The following GPC3 variants were observed in gnomAD, a reference collection of about 807,000 sequenced individuals.
GPC3 encodes the protein glypican-3.
Under a neutral mutation model 34.4 loss-of-function variants are expected in GPC3, and 3 were observed. The ratio of observed to expected loss-of-function variants is 0.09; its 90% CI spans 0.04 to 0.23. The LOEUF (loss-of-function observed/expected upper bound fraction) is 0.23, where lower values mean the gene tolerates loss of function less well. GPC3 is among the 10% of genes least tolerant of loss of function. The pLI is 1.00. For synonymous variants in GPC3, 177 were observed against 174.0 expected, an observed-to-expected ratio of 1.02 and a Z score of -0.13; for missense variants, 351 against 445.6, an observed-to-expected ratio of 0.79 and a Z score of 1.91.
At chrX:133,685,896 A>C (rs1322341406) in intron 5 of GPC3, among the ~76,000 whole-genome samples, 1 of 110,199 alleles carries the variant, frequency 9.1e-6, no homozygotes, top group Admixed American at 9.7e-5. Context: ...CCCAGCTCCA[A>C]TTCATAATGA....
intron 3 of GPC3, among the ~76,000 whole-genome samples, chrX:133,718,494 A>C (rs1356179424): frequency 8.9e-6 from 1 of 111,777 alleles, no homozygotes; most frequent in Non-Finnish European, 1.9e-5. Context: ...AACACAAAAG[A>C]AGGCAATACT....
chrX:133,828,464 G>A lies in GPC3; in HGVS notation c.338-74288C>T, dbSNP rs73567046. Among the ~76,000 whole-genome samples, 209 of 111,943 alleles carry A rather than the reference G, an allele frequency of 1.9e-3. 1 individual carries two copies. Among genetic ancestry groups the A allele is most frequent in the African/African-American group, 5.8e-3 (180 of 30,855 alleles). Reference sequence around the variant, plus strand: ...TGAGCCACTGTGCCTGGCCTGAAACGATCTTTTTAAAATGGACAATGCAGG... The same window carrying A: ...TGAGCCACTGTGCCTGGCCTGAAACAATCTTTTTAAAATGGACAATGCAGG... On this transcript the variant is annotated intron_variant, in intron 2 of 7. Transcript: ENST00000370818.
intron 7 of GPC3, among the ~76,000 whole-genome samples, chrX:133,569,211 T>C (rs984359780): frequency 6.3e-5 from 7 of 111,497 alleles, no homozygotes; most frequent in African/African-American, 2.3e-4. Context: ...GAAGATGAAC[T>C]TGCAGAGGGC....
At chrX:133,619,507 A>G in intron 6 of GPC3, among the ~76,000 whole-genome samples, 1 of 112,198 alleles carries the variant, frequency 8.9e-6, no homozygotes, top group Non-Finnish European at 1.9e-5. Flanking sequence ...CAGCCATAAA[A>G]AGGAATGAGT....
intron 2 of GPC3, among the ~76,000 whole-genome samples, chrX:133,777,742 T>C (rs1323163775): frequency 2.7e-5 from 3 of 111,500 alleles, no homozygotes; most frequent in Non-Finnish European, 3.8e-5. Flanking sequence ...GGCCCTACCA[T>C]AGAACTGTCA....
intron 2 of GPC3, among the ~76,000 whole-genome samples, chrX:133,810,161 G>A (rs1017512712): frequency 3.6e-5 from 4 of 111,924 alleles, no homozygotes; most frequent in South Asian, 3.8e-4. Context: ...GTTCATTATC[G>A]AAGGAGAAAC....
intron 2 of GPC3, among the ~76,000 whole-genome samples, chrX:133,808,748 A>T (rs1035769594): frequency 1.4e-5 from 1 of 71,276 alleles, no homozygotes; most frequent in East Asian, 4.9e-4. Flanking sequence ...ATGAGTATTT[A>T]AAAAAAAAAA....
At chrX:133,702,255 T>C (rs894962765) in intron 3 of GPC3, among the ~76,000 whole-genome samples, 2 of 112,265 alleles carry the variant, frequency 1.8e-5, no homozygotes, top group Non-Finnish European at 3.8e-5. Context: ...TGAAGACATA[T>C]ACATGTTTAC....
chrX:133,612,650 G>A (rs1336129203), intron 6 of GPC3, among the ~76,000 whole-genome samples: 1 of 110,690 alleles, frequency 9.0e-6, no homozygotes, highest in Non-Finnish European at 1.9e-5. Context: ...CCTCCACTCT[G>A]GCAAAATCTG....
intron 2 of GPC3, among the ~76,000 whole-genome samples, chrX:133,803,255 G>A (rs1019425299): frequency 8.9e-6 from 1 of 112,480 alleles, no homozygotes; most frequent in African/African-American, 3.2e-5. Flanking sequence ...AGTAAAATGT[G>A]ACACTAATAG....
intron 2 of GPC3, among the ~76,000 whole-genome samples, chrX:133,758,649 C>T (rs900939098): frequency 2.7e-5 from 3 of 110,524 alleles, no homozygotes; most frequent in African/African-American, 6.6e-5. Flanking sequence ...CCATGGCACA[C>T]GTTTACCTAT....
intron 2 of GPC3, among the ~76,000 whole-genome samples, chrX:133,874,378 T>C (rs938827829): frequency 5.4e-5 from 6 of 111,911 alleles, no homozygotes; most frequent in Non-Finnish European, 1.1e-4. Flanking sequence ...CTTTAAAGAT[T>C]TGTCTATGTC....
intron 2 of GPC3, among the ~76,000 whole-genome samples, chrX:133,882,004 C>A (rs1229998637): frequency 8.9e-6 from 1 of 112,366 alleles, no homozygotes; most frequent in Non-Finnish European, 1.9e-5. Flanking sequence ...CACCCTTATC[C>A]CTCCTTTTCC....
At chrX:133,789,498 C>T (rs187650585) in intron 2 of GPC3, among the ~76,000 whole-genome samples, 5 of 111,941 alleles carry the variant, frequency 4.5e-5, no homozygotes, top group African/African-American at 6.5e-5. Flanking sequence ...CAGCTCTCTG[C>T]GTTGATCTAT....
intron 5 of GPC3, among the ~76,000 whole-genome samples, chrX:133,673,646 G>C (rs1397124248): frequency 2.7e-5 from 3 of 112,381 alleles, no homozygotes; most frequent in African/African-American, 9.7e-5. Context: ...CTTGGAGTCA[G>C]AGACATGGGT....
chrX:133,623,709 G>A (rs1045769679), intron 6 of GPC3, among the ~76,000 whole-genome samples: 3 of 111,316 alleles, frequency 2.7e-5, no homozygotes, highest in Non-Finnish European at 5.6e-5. Flanking sequence ...CAATAATAAT[G>A]GGAGACTTTA....
intron 6 of GPC3, among the ~76,000 whole-genome samples, chrX:133,626,954 G>A (rs775653388): frequency 1.8e-5 from 2 of 108,546 alleles, no homozygotes; most frequent in South Asian, 8.3e-4. Flanking sequence ...AGAAAATGTG[G>A]CACATATACA....
At chrX:133,700,876 TAATA>T (rs775718441) in intron 3 of GPC3, among the ~76,000 whole-genome samples, 5 of 110,758 alleles carry the variant, frequency 4.5e-5, no homozygotes, top group African/African-American at 6.6e-5. Context: ...ATCCTGTTTC[TAATA>T]AATAAATAAA....
intron 6 of GPC3, among the ~76,000 whole-genome samples, chrX:133,621,948 T>C (rs1268793552): frequency 2.7e-5 from 3 of 111,978 alleles, no homozygotes; most frequent in African/African-American, 9.7e-5. Flanking sequence ...CCCTCTGAGA[T>C]GAAGCTTCCA....
Sources: allele counts gnomAD v4.1 joint callset (sites outside exome capture counted in the v4.1 genomes callset), GRCh38; gene constraint gnomAD v4.1.1; transcripts MANE v1.5; gene names NCBI Gene and HGNC (gene_info 2026-07-23, HGNC 2026-07-21).